PALM2AKAP2: variants seen among roughly 807,000 people sequenced by gnomAD.
PALM2AKAP2 encodes the protein PALM2 and AKAP2 fusion.
In PALM2AKAP2, 37 loss-of-function variants were observed where a neutral mutation model predicts 71.5. That is an observed-to-expected ratio of 0.52 (90% CI 0.40 to 0.68). PALM2AKAP2 has a LOEUF of 0.68. Ranked by LOEUF, PALM2AKAP2 falls within the 30% of genes least tolerant of loss-of-function variation. The pLI, the probability that PALM2AKAP2 is intolerant of heterozygous loss-of-function variation, is 0.00. For synonymous variants in PALM2AKAP2, 468 were observed against 478.8 expected, an observed-to-expected ratio of 0.98 and a Z score of 0.29; for missense variants, 1,224 against 1,191.8, an observed-to-expected ratio of 1.03 and a Z score of -0.40.
At chr9:109,785,366 G>A (rs752952323) in intron 1 of PALM2AKAP2, among the ~76,000 whole-genome samples, 2 of 152,016 alleles carry the variant, frequency 1.3e-5, no homozygotes, top group African/African-American at 4.8e-5. Context: ...AATCTTATAC[G>A]CTTTACAGGT....
At chr9:109,835,859 A>T (rs1418844351) in intron 1 of PALM2AKAP2, among the ~76,000 whole-genome samples, 1 of 152,216 alleles carries the variant, frequency 6.6e-6, no homozygotes. Flanking sequence ...CTGAGGCTTG[A>T]GTAGGTAAAC....
chr9:110,172,092 CAG>C (rs1342044921), exon 4 of PALM2AKAP2: 1 of 152,518 alleles, frequency 6.6e-6, no homozygotes, highest in East Asian at 1.9e-4. Context: ...AACACTAAAA[CAG>C]TGTTGATTCT....
intron 1 of PALM2AKAP2, among the ~76,000 whole-genome samples, chr9:109,645,391 T>C (rs7047477): frequency 0.097 from 14,751 of 152,190 alleles, 851 homozygotes; most frequent in South Asian, 0.2. Flanking sequence ...CACATGGGAA[T>C]TGTGGGAGCT....
chr9:110,106,588 A>T (rs1426007829), intron 1 of PALM2AKAP2, among the ~76,000 whole-genome samples: 9 of 152,052 alleles, frequency 5.9e-5, no homozygotes, highest in Admixed American at 5.9e-4. Context: ...GCTTAGCTTG[A>T]TGCTTACATT....
chr9:109,961,812 A>G (rs1831856881), intron 6 of PALM2AKAP2, among the ~76,000 whole-genome samples: 2 of 152,226 alleles, frequency 1.3e-5, no homozygotes, highest in African/African-American at 2.4e-5. Flanking sequence ...CATCCACATC[A>G]AAGCATTTCC....
intron 1 of PALM2AKAP2, among the ~76,000 whole-genome samples, chr9:110,123,489 A>G (rs1355987244): frequency 6.6e-6 from 1 of 152,182 alleles, no homozygotes; most frequent in Non-Finnish European, 1.5e-5. Context: ...CTCTGTAAAG[A>G]CTGATCTCCA....
At chr9:110,005,484 TGAG>T (rs1832760587) in intron 6 of PALM2AKAP2, among the ~76,000 whole-genome samples, 1 of 152,200 alleles carries the variant, frequency 6.6e-6, no homozygotes, top group Non-Finnish European at 1.5e-5. Flanking sequence ...GGGACCCACT[TGAG>T]GAGGCAGTCT....
intron 1 of PALM2AKAP2, among the ~76,000 whole-genome samples, chr9:109,646,058 C>G (rs963049763): frequency 2.0e-5 from 3 of 152,140 alleles, no homozygotes; most frequent in Non-Finnish European, 4.4e-5. Context: ...AAAGAGGGTA[C>G]TAACTGATTG....
intron 3 of PALM2AKAP2, among the ~76,000 whole-genome samples, chr9:110,162,979 T>TGG (rs1323548298): frequency 3.3e-5 from 5 of 152,138 alleles, no homozygotes; most frequent in Admixed American, 6.5e-5. Context: ...CCCAAAGCAT[T>TGG]GAGGTTACAG....
chr9:109,906,148 C>T (rs941279582), intron 3 of PALM2AKAP2, among the ~76,000 whole-genome samples: 2 of 152,086 alleles, frequency 1.3e-5, no homozygotes, highest in Non-Finnish European at 2.9e-5. Flanking sequence ...CCAACCCCAG[C>T]CAATCTCTAG....
intron 3 of PALM2AKAP2, among the ~76,000 whole-genome samples, chr9:109,898,872 A>G (rs561009481): frequency 3.9e-5 from 6 of 152,284 alleles, no homozygotes; most frequent in Admixed American, 3.3e-4. Context: ...CACTTTCATC[A>G]ACTGTTGAGC....
intron 6 of PALM2AKAP2, among the ~76,000 whole-genome samples, chr9:110,015,431 C>T (rs1289285676): frequency 6.6e-6 from 1 of 152,132 alleles, no homozygotes; most frequent in African/African-American, 2.4e-5. Context: ...AAATCCCCAT[C>T]TCTACTAAAA....
At chr9:109,977,023 G>T (rs2132176572) in intron 6 of PALM2AKAP2, among the ~76,000 whole-genome samples, 1 of 151,820 alleles carries the variant, frequency 6.6e-6, no homozygotes, top group South Asian at 2.1e-4. Flanking sequence ...TCACCTGAAG[G>T]GCTTGTTTAA....
chr9:110,057,365 T>TG, intron 1 of PALM2AKAP2, among the ~76,000 whole-genome samples: 1 of 113,922 alleles, frequency 8.8e-6, no homozygotes, highest in South Asian at 3.0e-4. Flanking sequence ...GCTCCTTCTC[T>TG]GTTTTTTTTT....
At chr9:110,053,129 C>T (rs1167362575) in intron 1 of PALM2AKAP2, among the ~76,000 whole-genome samples, 2 of 152,140 alleles carry the variant, frequency 1.3e-5, no homozygotes, top group South Asian at 2.1e-4. Flanking sequence ...TGAGAACATA[C>T]TCAGGCTGCC....
intron 1 of PALM2AKAP2, among the ~76,000 whole-genome samples, chr9:109,645,184 G>A (rs958789327): frequency 6.6e-6 from 1 of 152,214 alleles, no homozygotes; most frequent in African/African-American, 2.4e-5. Context: ...GGCTGGGGAA[G>A]CCTCACAATC....
chr9:109,781,047 G>A (rs1829438632), intron 1 of PALM2AKAP2, among the ~76,000 whole-genome samples: 1 of 152,306 alleles, frequency 6.6e-6, no homozygotes, highest in South Asian at 2.1e-4. Flanking sequence ...ATTGACAAGG[G>A]CACTGGCACA....
intron 1 of PALM2AKAP2, among the ~76,000 whole-genome samples, chr9:109,863,431 GGT>G (rs1324062586): frequency 6.6e-6 from 1 of 152,166 alleles, no homozygotes; most frequent in Non-Finnish European, 1.5e-5. Context: ...GAAGGTAGAG[GGT>G]GGGGGATTGC....
chr9:110,031,478 G>T (rs745770933), intron 7 of PALM2AKAP2, among the ~76,000 whole-genome samples: 1 of 152,072 alleles, frequency 6.6e-6, no homozygotes, highest in Non-Finnish European at 1.5e-5. Flanking sequence ...AGTGAAATTC[G>T]GTTTAATAAA....
Sources: allele counts gnomAD v4.1 joint callset (sites outside exome capture counted in the v4.1 genomes callset), GRCh38; gene constraint gnomAD v4.1.1; transcripts MANE v1.5; gene names NCBI Gene and HGNC (gene_info 2026-07-23, HGNC 2026-07-21).